L3HYPDH: variants seen among roughly 807,000 people sequenced by gnomAD.
L3HYPDH encodes trans-L-3-hydroxyproline dehydratase.
A neutral mutation model predicts 26.5 loss-of-function variants in L3HYPDH; 32 were observed. The ratio of observed to expected loss-of-function variants is 1.21; its 90% CI spans 0.91 to 1.62. The LOEUF (loss-of-function observed/expected upper bound fraction) is 1.62, where lower values mean the gene tolerates loss of function less well. Among genes scored for constraint, L3HYPDH ranks in the 40% most tolerant of loss-of-function variants. The pLI, the probability that L3HYPDH is intolerant of heterozygous loss-of-function variation, is 0.00. For synonymous variants in L3HYPDH, 215 were observed against 196.6 expected (o/e 1.09, Z -0.78); for missense variants, 554 against 476.4 (o/e 1.16, Z -1.52).
downstream of L3HYPDH, among the ~76,000 whole-genome samples, chr14:59,469,649 C>A (rs939904644): frequency 1.3e-5 from 2 of 149,984 alleles, no homozygotes; most frequent in African/African-American, 2.5e-5. Flanking sequence ...CTATCCACCT[C>A]AGGAGCATCA....
chr14:59,480,554 T>C (rs1889942766), intron 1 of L3HYPDH, among the ~76,000 whole-genome samples: 1 of 151,956 alleles, frequency 6.6e-6, no homozygotes, highest in Non-Finnish European at 1.5e-5. Flanking sequence ...AAGGACAGAG[T>C]AGAGTTTCAG....
the L3HYPDH span, among the ~76,000 whole-genome samples, chr14:59,494,121 G>GGTGTGTGTGTGTGTGT: frequency 1.3e-5 from 2 of 150,964 alleles, no homozygotes; most frequent in African/African-American, 4.9e-5. Flanking sequence ...AGAAAATTTG[G>GGTGTGTGTGTGTGTGT]GTGTGTGTGT....
chr14:59,475,174 C>A (rs1889542448), intron 4 of L3HYPDH: 1 of 151,788 alleles, frequency 6.6e-6, no homozygotes, highest in South Asian at 2.1e-4. Context: ...CCTATTATAT[C>A]AAATAAAACA....
At chr14:59,488,567 A>C (rs953644421), upstream of L3HYPDH, among the ~76,000 whole-genome samples, 1 of 152,230 alleles carries the variant, frequency 6.6e-6, no homozygotes, top group Non-Finnish European at 1.5e-5. Context: ...GGGGTAGTCA[A>C]GAGTGGGTTG....
upstream of L3HYPDH, chr14:59,484,447 A>T: frequency 7.3e-7 from 1 of 1,376,904 alleles, no homozygotes; most frequent in South Asian, 1.3e-5. Context: ...CGGAGCCTAA[A>T]CCCGGAAGCG....
chr14:59,485,056 C>T, upstream of L3HYPDH: 1 of 1,598,360 alleles, frequency 6.3e-7, no homozygotes, highest in Non-Finnish European at 8.5e-7. Context: ...CTTTAGCCAT[C>T]GTTCGCTAAA....
chr14:59,483,728 C>G (rs765053533), intron 1 of L3HYPDH, 81 bp downstream of exon 1: 2 of 1,531,688 alleles, frequency 1.3e-6, no homozygotes, highest in Non-Finnish European at 1.7e-6. Context: ...TGCCAGAGTT[C>G]CAGCCCAGAA....
chr14:59,496,108 G>T, the L3HYPDH span, among the ~76,000 whole-genome samples: 1 of 152,196 alleles, frequency 6.6e-6, no homozygotes, highest in Non-Finnish European at 1.5e-5. Context: ...GTTTTGCCAT[G>T]TTGGCCAGGC....
intron 4 of L3HYPDH, among the ~76,000 whole-genome samples, chr14:59,475,547 G>T (rs921968473): frequency 1.3e-5 from 2 of 152,120 alleles, no homozygotes; most frequent in African/African-American, 4.8e-5. Flanking sequence ...GCATTCAATT[G>T]GTTGGGTTAT....
the L3HYPDH span, among the ~76,000 whole-genome samples, chr14:59,492,958 C>T: frequency 1.3e-5 from 2 of 152,028 alleles, no homozygotes; most frequent in Admixed American, 6.6e-5. Flanking sequence ...CCACCACGCC[C>T]GGCCAATTTT....
intron 2 of L3HYPDH, among the ~76,000 whole-genome samples, chr14:59,477,055 C>G (rs575956077): frequency 4.7e-4 from 71 of 152,120 alleles, no homozygotes; most frequent in Non-Finnish European, 9.1e-4. Flanking sequence ...TCTTAACATC[C>G]AAAGAGTCCA....
At chr14:59,486,274 T>C (rs1890561677), upstream of L3HYPDH, among the ~76,000 whole-genome samples, 1 of 152,248 alleles carries the variant, frequency 6.6e-6, no homozygotes, top group South Asian at 2.1e-4. Context: ...TGTTCTGTTA[T>C]GAACATAGGT....
chr14:59,493,955 G>A, the L3HYPDH span, among the ~76,000 whole-genome samples: 1 of 152,250 alleles, frequency 6.6e-6, no homozygotes, highest in East Asian at 1.9e-4. Flanking sequence ...AGGTAGGGGT[G>A]GGAAGGAGTA....
intron 2 of L3HYPDH, among the ~76,000 whole-genome samples, chr14:59,478,117 G>T (rs1370015408): frequency 6.6e-6 from 1 of 152,026 alleles, no homozygotes; most frequent in Non-Finnish European, 1.5e-5. Context: ...ATAAGAAAAA[G>T]GCTTAAATCT....
upstream of L3HYPDH, chr14:59,487,429 A>T (rs1187784858): frequency 9.0e-6 from 3 of 333,436 alleles, no homozygotes; most frequent in African/African-American, 4.2e-5. Flanking sequence ...TAGGTTTTTC[A>T]TTGAATGTTA....
intron 2 of L3HYPDH, chr14:59,478,964 T>C (rs1474089933): frequency 4.8e-6 from 2 of 414,404 alleles, no homozygotes. Context: ...TTTACAAAAT[T>C]TGTGTTGGGC....
chr14:59,487,167 C>G (rs1372154664), upstream of L3HYPDH: 1 of 161,072 alleles, frequency 6.2e-6, no homozygotes, highest in Non-Finnish European at 1.3e-5. Flanking sequence ...TGCACCACTG[C>G]ATTCCAGCGT....
At chr14:59,498,163 A>G in the L3HYPDH span, among the ~76,000 whole-genome samples, 1 of 152,110 alleles carries the variant, frequency 6.6e-6, no homozygotes, top group Non-Finnish European at 1.5e-5. Flanking sequence ...TTATCTTTCC[A>G]GTTTTATTTC....
At chr14:59,494,086 A>T in the L3HYPDH span, among the ~76,000 whole-genome samples, 2 of 151,198 alleles carry the variant, frequency 1.3e-5, no homozygotes, top group South Asian at 2.1e-4. Flanking sequence ...ATAAATGTGA[A>T]AAGCAAAACC....
Sources: gnomAD v4.1 joint callset for allele counts (sites outside exome capture counted in the v4.1 genomes callset) on GRCh38, gnomAD v4.1.1 for gene constraint, MANE v1.5 for transcripts, NCBI Gene and HGNC (gene_info 2026-07-23, HGNC 2026-07-21) for gene names.